KLF11: variants seen among roughly 807,000 people sequenced by gnomAD.
The protein encoded by KLF11 is Krueppel-like factor 11.
KLF11 carries 26 observed loss-of-function variants against 29.9 expected under a neutral mutation model. The observed-to-expected ratio is 0.87, with a 90% CI of 0.64 to 1.21. The LOEUF (loss-of-function observed/expected upper bound fraction) is 1.21, where lower values mean the gene tolerates loss of function less well. Among genes scored for constraint, KLF11 ranks in the 50% most tolerant of loss-of-function variants. The pLI is 0.00. For missense variants in KLF11, 778 were observed against 665.7 expected (o/e 1.17, Z -1.86); for synonymous variants, 318 against 257.4 (o/e 1.24, Z -2.25).
Position 10,046,199 on chromosome 2 carries a change from A to G in KLF11, c.92A>G (p.Asp31Gly). 1.2e-6 allele frequency: 2 copies of G among 1,614,202 alleles called. No homozygotes were observed. Among genetic ancestry groups the G allele is most frequent in the Non-Finnish European group, 1.7e-6 (2 of 1,180,036 alleles). Residue 31 changes from aspartate to glycine, a missense_variant, in exon 2 of 4, where the codon GAC becomes GGC. Physicochemically the swap from Asp to Gly is moderately conservative, Grantham distance 94. Transcript: ENST00000305883. ...CESILERKRH[D>G]SERSTCSILE... is the part of the protein sequence containing the mutation. ...TCCATCCTGGAGAGGAAGCGGCATG[A>G]CAGCGAAAGGTCTACTTGCAGCATC...
rs146462049 is a variant in KLF11, at chr2:10,047,823, A to G, written c.486A>G (p.Pro162=). The G allele has an allele frequency of 1.2e-4, 198 of 1,613,804 alleles. No homozygotes were observed. In the African/African-American group the frequency reaches 2.5e-3, roughly 21 times the overall value. Residue 162 remains proline (P), a synonymous_variant, in exon 3 of 4, where the codon CCA becomes CCG. Transcript: ENST00000305883. ...GAERGLLGLE[P]VPSSPCRAKG... is the part of the protein sequence containing the mutation. ...AGAGGGGCTTGCTGGGTTTGGAGCC[A>G]GTGCCCAGCTCTCCCTGCAGGGCCA...
At chr2:10,049,174 G>A (rs1415758906) in intron 3 of KLF11, among the ~76,000 whole-genome samples, 4 of 152,178 alleles carry the variant, frequency 2.6e-5, no homozygotes. Context: ...TTTTGCAATG[G>A]TGGAAATGTT....
intron 3 of KLF11, among the ~76,000 whole-genome samples, chr2:10,050,109 A>G (rs1443377572): frequency 1.3e-5 from 2 of 152,186 alleles, no homozygotes; most frequent in African/African-American, 4.8e-5. Context: ...TTCCTAAAGT[A>G]CTTCCAATTC....
chr2:10,052,254 A>T lies in KLF11; in HGVS notation c.1286A>T (p.Asp429Val). 6.2e-7 allele frequency: 1 copy of T among 1,614,134 alleles called. No individual in the cohort carries two copies. Among genetic ancestry groups the T allele is most frequent in the East Asian group, 2.2e-5 (1 of 44,896 alleles). Residue 429 changes from aspartate (D) to valine (V), a missense_variant, in exon 4 of 4, where the codon GAT becomes GTT. Physicochemically the swap from Asp to Val is radical, Grantham distance 152. Coordinates refer to ENST00000305883, the MANE Select transcript of KLF11 (RefSeq NM_003597.5). Reference protein sequence around the residue: ...TGEKPFNCSWDGCDKKFARSD... With the variant: ...TGEKPFNCSWVGCDKKFARSD... ...GAGAAGCCTTTCAACTGCAGCTGGGATGGCTGTGATAAAAAGTTTGCTCGT... is the reference window on the plus strand; with the variant it reads ...GAGAAGCCTTTCAACTGCAGCTGGGTTGGCTGTGATAAAAAGTTTGCTCGT...
At chr2:10,048,908 CTTTTTT>C (rs58347649) in intron 3 of KLF11, among the ~76,000 whole-genome samples, 3 of 121,660 alleles carry the variant, frequency 2.5e-5, no homozygotes, top group Admixed American at 8.5e-5. Context: ...ACGTTTCATC[CTTTTTT>C]TTTTTTTTTT....
chr2:10,046,337 ACT>A lies in KLF11; in HGVS notation c.233_234del (p.Ser78TrpfsTer15). 1 of 1,614,014 alleles carries A rather than the reference ACT, an allele frequency of 6.2e-7. No homozygotes were observed. Among genetic ancestry groups the A allele is most frequent in the Non-Finnish European group, 8.5e-7 (1 of 1,180,002 alleles). On this transcript the variant is annotated frameshift_variant, in exon 2 of 4. Transcript: ENST00000305883. LOFTEE classifies it high-confidence loss of function. Reference sequence around the variant, plus strand: ...ATAAGACCCCTCACGCCTGTCTCTGACTCTGGGGATGTCACCACCACTGTGCA... The same window carrying A: ...ATAAGACCCCTCACGCCTGTCTCTGACTGGGGATGTCACCACCACTGTGCA...
Position 10,052,257 on chromosome 2 carries a change from G to T in KLF11, c.1289G>T (p.Gly430Val). ...AAGCCTTTCAACTGCAGCTGGGATG[G>T]CTGTGATAAAAAGTTTGCTCGTTCG... ...GEKPFNCSWD[G>V]CDKKFARSDE... The change falls in exon 4 of 4, where the codon GGC becomes GTC. Residue 430 changes from glycine to valine, a missense_variant. Transcript: ENST00000305883. 1.9e-6 allele frequency: 3 copies of T among 1,614,146 alleles called. No individual in the cohort carries two copies. Among genetic ancestry groups the T allele is most frequent in the Non-Finnish European group, 2.5e-6 (3 of 1,180,022 alleles).
intron 1 of KLF11, chr2:10,044,132 AAGAG>A: frequency 7.7e-5 from 11 of 143,352 alleles, no homozygotes; most frequent in African/African-American, 8.0e-5. Flanking sequence ...GGGGCGGGGC[AAGAG>A]CTGCTGGCGG....
chr2:10,054,402 TATTTCTAAAGAGG>T lies in KLF11; in HGVS notation c.*1897_*1909del, dbSNP rs1316179394. The T allele has an allele frequency of 6.6e-6, 1 of 152,462 alleles. No homozygotes were observed. Among genetic ancestry groups the T allele is most frequent in the East Asian group, 1.9e-4 (1 of 5,208 alleles). 9.4% of individuals were successfully genotyped at this position (152,462 alleles called of 1,614,324 possible). A position where few individuals can be genotyped will look rare whatever the true frequency, so the allele number is the denominator to read the frequency against. Reference sequence around the variant, plus strand: ...TGTCACAACATTCTCCAAGCAGTGATATTTCTAAAGAGGAGATACATGTTGAAAACGGTTTTAA... The same window carrying T: ...TGTCACAACATTCTCCAAGCAGTGATAGATACATGTTGAAAACGGTTTTAA... On this transcript the variant is annotated 3_prime_UTR_variant, in exon 4 of 4. Coordinates refer to ENST00000305883, the MANE Select transcript of KLF11 (RefSeq NM_003597.5).
chr2:10,053,911 T>C lies in KLF11; in HGVS notation c.*1404T>C, dbSNP rs1345677009. 1.3e-5 allele frequency: 2 copies of C among 152,716 alleles called. No individual in the cohort carries two copies. The highest frequency in any genetic ancestry group is 4.8e-5 in the African/African-American group (2 of 41,476). The allele number at this position is 152,716 out of a possible 1,614,324, so 9.5% of individuals were successfully genotyped here. A position where few individuals can be genotyped will look rare whatever the true frequency, so the allele number is the denominator to read the frequency against. ...CCTGGGAATTTTTTTTATTGTGCAG[T>C]ATGTATTTAAATTTTGTCTATGTTA... On this transcript the variant is annotated 3_prime_UTR_variant, in exon 4 of 4. Coordinates refer to ENST00000305883, the MANE Select transcript of KLF11 (RefSeq NM_003597.5).
In KLF11 at chr2:10,053,487, T is replaced by A. The variant is rs113527829; in HGVS notation, c.*980T>A. 5.0e-6 allele frequency: 2 copies of A among 398,600 alleles called. No homozygotes were observed. The highest frequency in any genetic ancestry group is 4.1e-5 in the African/African-American group (2 of 48,640). 24.7% of individuals were successfully genotyped at this position (398,600 alleles called of 1,614,324 possible). A position where few individuals can be genotyped will look rare whatever the true frequency, so the allele number is the denominator to read the frequency against. On this transcript the variant is annotated 3_prime_UTR_variant, in exon 4 of 4. Coordinates refer to ENST00000305883, the MANE Select transcript of KLF11 (RefSeq NM_003597.5). ...TCAGAAAAAAAGGAAATGTCTGTAT[T>A]GGTTGGATGAAACTCCACCAGAGCA...
In KLF11 at chr2:10,046,182, GGA is replaced by G; in HGVS notation, c.79_80del (p.Arg27GlufsTer4). The G allele has an allele frequency of 6.2e-7, 1 of 1,614,140 alleles. No individual in the cohort carries two copies. Among genetic ancestry groups the G allele is most frequent in the East Asian group, 2.2e-5 (1 of 44,882 alleles). ...DIMDICESIL[E>X]RKRHDSERST... ...TCATGGACATATGTGAGTCCATCCT[GGA>G]GAGGAAGCGGCATGACAGCGAAAGG... is the stretch of plus-strand genomic sequence containing the variant. On this transcript the variant is annotated frameshift_variant, in exon 2 of 4. Transcript: ENST00000305883. LOFTEE classifies it high-confidence loss of function.
chr2:10,051,611 G>A (rs923032415), intron 3 of KLF11, among the ~76,000 whole-genome samples: 17 of 151,912 alleles, frequency 1.1e-4, no homozygotes, highest in African/African-American at 1.7e-4. Context: ...TCTGCCTCCC[G>A]GGTTCACACC....
chr2:10,047,140 G>A (rs1476346523), intron 2 of KLF11, among the ~76,000 whole-genome samples: 2 of 152,144 alleles, frequency 1.3e-5, no homozygotes, highest in African/African-American at 2.4e-5. Context: ...CGTGGCAGCC[G>A]ACTCCTTAAT....
At chr2:10,044,911 C>T (rs1163699936) in intron 1 of KLF11, among the ~76,000 whole-genome samples, 1 of 152,102 alleles carries the variant, frequency 6.6e-6, no homozygotes. Context: ...TCTGGGAGAC[C>T]GAGGTGGGCG....
chr2:10,053,716 A>C lies in KLF11; in HGVS notation c.*1209A>C, dbSNP rs1385289694. The C allele has an allele frequency of 1.0e-5, 3 of 286,340 alleles. No homozygotes were observed. The highest frequency in any genetic ancestry group is 1.9e-5 in the Non-Finnish European group (3 of 155,126). The allele number at this position is 286,340 out of a possible 1,614,324, so 17.7% of individuals were successfully genotyped here. A position where few individuals can be genotyped will look rare whatever the true frequency, so the allele number is the denominator to read the frequency against. The stretch of plus-strand genomic sequence containing the variant: ...CTTGGAATGGTGTGTTTTACAGTCT[A>C]CCTAGAAAATAGATGGACAATATTT... On this transcript the variant is annotated 3_prime_UTR_variant, in exon 4 of 4. Transcript: ENST00000305883.
rs1429102174 is a variant in KLF11, at chr2:10,053,928, T to C, written c.*1421T>C. ...TTGTGCAGTATGTATTTAAATTTTG[T>C]CTATGTTAATTACCAGCATTTACCT... On this transcript the variant is annotated 3_prime_UTR_variant, in exon 4 of 4. Coordinates refer to ENST00000305883, the MANE Select transcript of KLF11 (RefSeq NM_003597.5). The C allele has an allele frequency of 6.6e-6, 1 of 152,454 alleles. No individual in the cohort carries two copies. The highest frequency in any genetic ancestry group is 1.5e-5 in the Non-Finnish European group (1 of 68,172). The allele number at this position is 152,454 out of a possible 1,614,324, so 9.4% of individuals were successfully genotyped here.
Position 10,052,583 on chromosome 2 carries a change from C to A in KLF11, c.*76C>A. The A allele has an allele frequency of 6.7e-7, 1 of 1,489,996 alleles. No homozygotes were observed. The highest frequency in any genetic ancestry group is 9.2e-7 in the Non-Finnish European group (1 of 1,085,044). The allele number at this position is 1,489,996 out of a possible 1,614,324, so 92.3% of individuals were successfully genotyped here. On this transcript the variant is annotated 3_prime_UTR_variant, in exon 4 of 4. Transcript: ENST00000305883. ...GAATGGAACTGATGGATTCCTCTCC[C>A]ACTGCCTCACCCAAAAAAAACGGTC...
chr2:10,043,644 G>GC lies in KLF11; in HGVS notation c.-70dup. 8.9e-7 allele frequency: 1 copy of GC among 1,123,284 alleles called. No homozygotes were observed. The highest frequency in any genetic ancestry group is 1.1e-6 in the Non-Finnish European group (1 of 896,928). The allele number at this position is 1,123,284 out of a possible 1,614,324, so 69.6% of individuals were successfully genotyped here. A position where few individuals can be genotyped will look rare whatever the true frequency, so the allele number is the denominator to read the frequency against. ...GTTGCCGCCGCCGCCGCCGCCCGCA[G>GC]CCCACGTGCGGCCGCTGCTGCGCCC... On this transcript the variant is annotated 5_prime_UTR_variant, in exon 1 of 4. Coordinates refer to ENST00000305883, the MANE Select transcript of KLF11 (RefSeq NM_003597.5).
Sources: gnomAD v4.1 joint callset for allele counts (sites outside exome capture counted in the v4.1 genomes callset) on GRCh38, gnomAD v4.1.1 for gene constraint, MANE v1.5 for transcripts, NCBI Gene and HGNC (gene_info 2026-07-23, HGNC 2026-07-21) for gene names.